The following CSMD1 variants were observed in gnomAD, a reference collection of about 807,000 sequenced individuals.
CSMD1 encodes CUB and Sushi multiple domains 1.
CSMD1 carries 213 observed loss-of-function variants against 417.5 expected under a neutral mutation model. The observed-to-expected ratio is 0.51, with a 90% confidence interval of 0.46 to 0.57. The LOEUF (loss-of-function observed/expected upper bound fraction) is 0.57, where lower values mean the gene tolerates loss of function less well. Ranked by LOEUF, CSMD1 falls within the 20% of genes least tolerant of loss-of-function variation. The pLI is 0.00. For missense variants in CSMD1, 6,923 were observed against 4,529.7 expected (o/e 1.53, Z -15.17); for synonymous variants, 2,862 against 1,736.8 (o/e 1.65, Z -16.11).
At chr8:3,490,046 T>C (rs556380623) in intron 11 of CSMD1, among the ~76,000 whole-genome samples, 1 of 152,352 alleles carries the variant, frequency 6.6e-6, no homozygotes. Flanking sequence ...ATATAAGTAC[T>C]CAAAAGTATT....
intron 23 of CSMD1, among the ~76,000 whole-genome samples, chr8:3,317,470 TGTTTTCTATTAC>T (rs776311485): frequency 6.6e-5 from 10 of 152,236 alleles, no homozygotes; most frequent in East Asian, 1.9e-4. Context: ...TTCTGGTGCC[TGTTTTCTATTAC>T]GTTTTCTATT....
At chr8:3,466,496 A>G (rs1816796635) in intron 12 of CSMD1, among the ~76,000 whole-genome samples, 1 of 151,408 alleles carries the variant, frequency 6.6e-6, no homozygotes, top group Non-Finnish European at 1.5e-5. Context: ...TGCAAGCTCC[A>G]CTACCCGGGT....
At chr8:4,518,880 G>C (rs922815185) in intron 2 of CSMD1, among the ~76,000 whole-genome samples, 10 of 152,036 alleles carry the variant, frequency 6.6e-5, no homozygotes, top group Admixed American at 5.9e-4. Context: ...ACTCTTCAAA[G>C]GTTTTCAAGT....
intron 1 of CSMD1, among the ~76,000 whole-genome samples, chr8:4,702,538 A>G (rs1807641718): frequency 1.3e-5 from 2 of 152,206 alleles, no homozygotes; most frequent in Admixed American, 6.5e-5. Flanking sequence ...TAAAAAATAA[A>G]AAGACATTCA....
intron 5 of CSMD1, among the ~76,000 whole-genome samples, chr8:3,962,550 A>C (rs1446143730): frequency 6.6e-6 from 1 of 152,198 alleles, no homozygotes; most frequent in African/African-American, 2.4e-5. Context: ...AGCAAAGTGT[A>C]GGGGTCATGA....
At chr8:4,683,399 G>C (rs902932149) in intron 1 of CSMD1, among the ~76,000 whole-genome samples, 4 of 152,078 alleles carry the variant, frequency 2.6e-5, no homozygotes, top group African/African-American at 2.4e-5. Flanking sequence ...TCTGAGACCT[G>C]TCCTTACATT....
intron 50 of CSMD1, among the ~76,000 whole-genome samples, chr8:3,050,322 C>A (rs1269642254): frequency 6.6e-6 from 1 of 152,120 alleles, no homozygotes; most frequent in African/African-American, 2.4e-5. Flanking sequence ...GTAGTTTTCA[C>A]CTCATTTGTG....
At chr8:4,647,004 G>C (rs1043580527) in intron 1 of CSMD1, among the ~76,000 whole-genome samples, 1 of 152,158 alleles carries the variant, frequency 6.6e-6, no homozygotes, top group African/African-American at 2.4e-5. Flanking sequence ...TAGACTAACA[G>C]CCAAGGTGCT....
At chr8:3,139,904 T>C (rs923097534) in intron 41 of CSMD1, among the ~76,000 whole-genome samples, 1 of 129,334 alleles carries the variant, frequency 7.7e-6, no homozygotes, top group African/African-American at 2.6e-5. Context: ...TTTCTTTCTT[T>C]CTTTTTTTTT....
At chr8:4,291,332 T>C in intron 3 of CSMD1, among the ~76,000 whole-genome samples, 1 of 152,276 alleles carries the variant, frequency 6.6e-6, no homozygotes, top group Middle Eastern at 3.4e-3. Flanking sequence ...CATAATACTT[T>C]CCTTTAAATT....
intron 10 of CSMD1, among the ~76,000 whole-genome samples, chr8:3,520,617 C>T (rs938358887): frequency 1.1e-4 from 17 of 152,280 alleles, no homozygotes; most frequent in East Asian, 1.9e-4. Flanking sequence ...CTTGCTCATT[C>T]ACTGGCTGTT....
At chr8:3,636,923 G>T (rs1797079778) in intron 7 of CSMD1, among the ~76,000 whole-genome samples, 1 of 152,132 alleles carries the variant, frequency 6.6e-6, no homozygotes, top group African/African-American at 2.4e-5. Context: ...CTGCCCTCAT[G>T]AATGAATTAG....
At chr8:4,450,954 G>C (rs1255097681) in intron 2 of CSMD1, among the ~76,000 whole-genome samples, 1 of 151,992 alleles carries the variant, frequency 6.6e-6, no homozygotes, top group Admixed American at 6.6e-5. Context: ...ATACAACTAA[G>C]ATCTACAGTA....
chr8:4,477,138 A>C (rs898935862), intron 2 of CSMD1, among the ~76,000 whole-genome samples: 8 of 152,190 alleles, frequency 5.3e-5, no homozygotes, highest in Non-Finnish European at 1.2e-4. Flanking sequence ...CAGTTTATCC[A>C]GTGGGCATTC....
intron 3 of CSMD1, among the ~76,000 whole-genome samples, chr8:4,223,553 C>T (rs1454600483): frequency 6.6e-6 from 1 of 152,230 alleles, no homozygotes; most frequent in Non-Finnish European, 1.5e-5. Context: ...GGAGAGCTGG[C>T]CTGCAAGGCA....
chr8:4,933,666 A>G (rs1807407595), intron 1 of CSMD1, among the ~76,000 whole-genome samples: 1 of 152,170 alleles, frequency 6.6e-6, no homozygotes, highest in Middle Eastern at 3.2e-3. Flanking sequence ...TGGATAGATG[A>G]AAGGAAGGAA....
chr8:4,045,172 A>T (rs1431804221), intron 3 of CSMD1, among the ~76,000 whole-genome samples: 1 of 152,128 alleles, frequency 6.6e-6, no homozygotes, highest in Non-Finnish European at 1.5e-5. Flanking sequence ...GGGCTGGGGT[A>T]CCGGGTGCTG....
At chr8:4,734,960 T>C (rs1810135609) in intron 1 of CSMD1, among the ~76,000 whole-genome samples, 4 of 152,200 alleles carry the variant, frequency 2.6e-5, no homozygotes, top group Admixed American at 2.6e-4. Context: ...CCTGGGATTC[T>C]GGGAAAGTTT....
intron 54 of CSMD1, among the ~76,000 whole-genome samples, chr8:2,986,481 A>G (rs969926276): frequency 6.6e-6 from 1 of 152,088 alleles, no homozygotes; most frequent in Non-Finnish European, 1.5e-5. Context: ...CTACACAGAT[A>G]TTAATATTTT....
Sources: allele counts gnomAD v4.1 joint callset (sites outside exome capture counted in the v4.1 genomes callset), GRCh38; gene constraint gnomAD v4.1.1; transcripts MANE v1.5; gene names NCBI Gene and HGNC (gene_info 2026-07-23, HGNC 2026-07-21).